Variants in MAD1L1 observed in about 807,000 individuals in gnomAD.
MAD1L1 encodes the protein mitotic spindle assembly checkpoint protein MAD1.
A neutral mutation model predicts 96.9 loss-of-function variants in MAD1L1; 95 were observed. The ratio of observed to expected loss-of-function variants is 0.98; its 90% CI spans 0.83 to 1.16. The LOEUF is 1.16. MAD1L1 is among the 50% of genes most tolerant of loss of function. The pLI is 0.00. For missense variants in MAD1L1, 1,007 were observed against 954.4 expected (o/e 1.06, Z -0.73); for synonymous variants, 473 against 396.6 (o/e 1.19, Z -2.29).
chr7:2,077,744 A>G (rs901357062), intron 11 of MAD1L1, among the ~76,000 whole-genome samples: 2 of 152,220 alleles, frequency 1.3e-5, no homozygotes, highest in African/African-American at 4.8e-5. Flanking sequence ...GACAGGCTCC[A>G]GCCCCAGTGG....
intron 11 of MAD1L1, among the ~76,000 whole-genome samples, chr7:2,104,109 T>C (rs146743756): frequency 1.3e-3 from 200 of 152,376 alleles, no homozygotes; most frequent in Non-Finnish European, 2.2e-3. Context: ...TATCTGTTAT[T>C]AAAGGCATGC....
chr7:2,196,841 C>G (rs997380036), intron 10 of MAD1L1, among the ~76,000 whole-genome samples: 4 of 152,208 alleles, frequency 2.6e-5, no homozygotes, highest in African/African-American at 4.8e-5. Context: ...CTCCACGGCT[C>G]CTACTCCATG....
intron 18 of MAD1L1, among the ~76,000 whole-genome samples, chr7:1,873,477 G>T (rs1785215839): frequency 6.6e-6 from 1 of 152,036 alleles, no homozygotes; most frequent in Non-Finnish European, 1.5e-5. Context: ...AGCCCTGGTG[G>T]AGAGCTAGTA....
intron 7 of MAD1L1, among the ~76,000 whole-genome samples, chr7:2,217,525 G>C (rs1039369756): frequency 1.3e-5 from 2 of 152,222 alleles, no homozygotes; most frequent in African/African-American, 4.8e-5. Flanking sequence ...CAGGCAACAG[G>C]AGGCAGGAGA....
chr7:1,869,315 T>C (rs1293688015), intron 18 of MAD1L1, among the ~76,000 whole-genome samples: 1 of 151,984 alleles, frequency 6.6e-6, no homozygotes, highest in Non-Finnish European at 1.5e-5. Flanking sequence ...CCTCTCTGAG[T>C]TCCCAGCATC....
At chr7:2,053,846 C>A (rs1269836294) in intron 12 of MAD1L1, among the ~76,000 whole-genome samples, 1 of 152,250 alleles carries the variant, frequency 6.6e-6, no homozygotes, top group African/African-American at 2.4e-5. Flanking sequence ...AGAAAGTAGA[C>A]CTGGCTTCCA....
At chr7:1,983,914 T>C (rs868540961) in intron 14 of MAD1L1, among the ~76,000 whole-genome samples, 7 of 152,400 alleles carry the variant, frequency 4.6e-5, no homozygotes, top group Middle Eastern at 3.4e-3. Flanking sequence ...CTACCATTTT[T>C]CACTTTCCTA....
chr7:1,841,075 G>A (rs1020890542), intron 18 of MAD1L1, among the ~76,000 whole-genome samples: 15 of 152,266 alleles, frequency 9.9e-5, no homozygotes, highest in African/African-American at 3.1e-4. Flanking sequence ...CTCCCGGGCC[G>A]GCTCTACTCT....
Position 2,146,852 on chromosome 7 carries a change from G to C in MAD1L1, c.1073+2300C>G, listed in dbSNP as rs112150569. Among the ~76,000 whole-genome samples, 1 of 152,168 alleles carries C rather than the reference G, an allele frequency of 6.6e-6. No homozygotes were observed. Among genetic ancestry groups the C allele is most frequent in the Admixed American group, 6.5e-5 (1 of 15,282 alleles). On this transcript the variant is annotated intron_variant, in intron 11 of 18. Coordinates refer to ENST00000265854, the MANE Select transcript of MAD1L1 (RefSeq NM_001013836.2). This position sits in a 1 kb window ranked among gnomAD's most constrained non-coding sequence, Gnocchi z 6.2. Reference sequence around the variant, plus strand: ...GTGCGAGGCTCCCTGACCCCGCCACGGCAGGCCGCGACGAACACGGTGTCC... The same window carrying C: ...GTGCGAGGCTCCCTGACCCCGCCACCGCAGGCCGCGACGAACACGGTGTCC...
intron 12 of MAD1L1, among the ~76,000 whole-genome samples, chr7:2,067,194 C>T (rs963079316): frequency 7.5e-6 from 1 of 132,842 alleles, no homozygotes; most frequent in Non-Finnish European, 1.5e-5. Flanking sequence ...AGGCCACGTT[C>T]GCAGGCACCC....
intron 12 of MAD1L1, among the ~76,000 whole-genome samples, chr7:2,016,840 A>G (rs1393782064): frequency 3.9e-5 from 6 of 152,266 alleles, no homozygotes; most frequent in Non-Finnish European, 8.8e-5. Context: ...TTTGCACAGG[A>G]AGGTTTATCG....
At position 2,052,198 on chromosome 7, in the gene MAD1L1, C is replaced by T. The variant is rs527440020; in HGVS notation, c.1218+16996G>A. 3.8e-3 allele frequency among the ~76,000 whole-genome samples: 576 copies of T among 152,242 alleles called. 3 individuals carry two copies. The highest frequency in any genetic ancestry group is 0.013 in the African/African-American group (541 of 41,556). On this transcript the variant is annotated intron_variant, in intron 12 of 18. Coordinates refer to ENST00000265854, the MANE Select transcript of MAD1L1 (RefSeq NM_001013836.2). Reference sequence around the variant, plus strand: ...GACAAGGGCAGAACCCTATCGTCCTCGCCACGCGCACAGCCACAGCTCCGC... The same window carrying T: ...GACAAGGGCAGAACCCTATCGTCCTTGCCACGCGCACAGCCACAGCTCCGC...
intron 17 of MAD1L1, among the ~76,000 whole-genome samples, chr7:1,934,269 A>AC (rs1235225864): frequency 1.3e-5 from 2 of 151,530 alleles, no homozygotes; most frequent in South Asian, 2.1e-4. Flanking sequence ...GCCTCTTCGC[A>AC]CCCCCCACTC....
chr7:2,000,535 C>T (rs539015780), intron 14 of MAD1L1, among the ~76,000 whole-genome samples: 3 of 152,332 alleles, frequency 2.0e-5, no homozygotes, highest in African/African-American at 7.2e-5. Flanking sequence ...CCTGCCCCAC[C>T]ATTTCCACCA....
chr7:2,021,595 T>G (rs1344842859), intron 12 of MAD1L1, among the ~76,000 whole-genome samples: 1 of 147,148 alleles, frequency 6.8e-6, no homozygotes, highest in Non-Finnish European at 1.5e-5. Flanking sequence ...CGAAACCTCG[T>G]CTCTACTGAA....
chr7:2,012,913 G>A (rs1412953484), intron 13 of MAD1L1, among the ~76,000 whole-genome samples: 1 of 152,242 alleles, frequency 6.6e-6, no homozygotes, highest in Non-Finnish European at 1.5e-5. Flanking sequence ...CTGCCAAGCA[G>A]CTTTCTAGAT....
chr7:2,126,930 G>C (rs1788260301), intron 11 of MAD1L1, among the ~76,000 whole-genome samples: 1 of 152,184 alleles, frequency 6.6e-6, no homozygotes, highest in Non-Finnish European at 1.5e-5. Flanking sequence ...GTATCCAGTA[G>C]GGCATTTTAA....
chr7:2,030,173 G>A (rs1562621253), intron 12 of MAD1L1, among the ~76,000 whole-genome samples: 1 of 152,190 alleles, frequency 6.6e-6, no homozygotes, highest in Non-Finnish European at 1.5e-5. Flanking sequence ...CCAGAGCTGT[G>A]TACAGGTGCA....
At chr7:1,906,308 C>A (rs901580430) in intron 17 of MAD1L1, among the ~76,000 whole-genome samples, 1 of 152,206 alleles carries the variant, frequency 6.6e-6, no homozygotes, top group Non-Finnish European at 1.5e-5. Flanking sequence ...ATAACCCCGG[C>A]CATGCAGACA....
Sources: allele counts gnomAD v4.1 joint callset (sites outside exome capture counted in the v4.1 genomes callset), GRCh38; gene constraint gnomAD v4.1.1; non-coding constraint Gnocchi (gnomAD v3.1); transcripts MANE v1.5; gene names NCBI Gene and HGNC (gene_info 2026-07-23, HGNC 2026-07-21).